The following RPGRIP1 variants were observed in gnomAD, a reference collection of about 807,000 sequenced individuals.
RPGRIP1 encodes the protein RPGR interacting protein 1, also known as X-linked retinitis pigmentosa GTPase regulator-interacting protein 1.
Under a neutral mutation model 157.9 loss-of-function variants are expected in RPGRIP1, and 128 were observed. That is an observed-to-expected ratio of 0.81 (90% confidence interval 0.70 to 0.94). RPGRIP1 has a LOEUF of 0.94. Ranked by LOEUF, RPGRIP1 falls within the 40% of genes least tolerant of loss-of-function variation. RPGRIP1 has a pLI of 0.00. For synonymous variants in RPGRIP1, 554 were observed against 571.6 expected (o/e 0.97, Z 0.44); for missense variants, 1,486 against 1,545.8 (o/e 0.96, Z 0.65).
chr14:21,310,526 G>C, intron 7 of RPGRIP1, 58 bp from the exon 8 acceptor site: 1 of 882,000 alleles, frequency 1.1e-6, no homozygotes, highest in Non-Finnish European at 1.7e-6. Context: ...ATATTACAGT[G>C]ATAAATATAT....
intron 1 of RPGRIP1, among the ~76,000 whole-genome samples, chr14:21,282,671 G>A (rs1355391773): frequency 7.6e-5 from 11 of 144,026 alleles, no homozygotes; most frequent in South Asian, 2.2e-4. Flanking sequence ...GTGCAGTGGC[G>A]TGATCTCGGC....
Position 21,321,252 on chromosome 14 carries a change from T to G in RPGRIP1, c.1468-7T>G. On this transcript the variant is annotated splice_region_variant and splice_polypyrimidine_tract_variant and intron_variant, in intron 12 of 24. Coordinates refer to ENST00000400017, the MANE Select transcript of RPGRIP1 (RefSeq NM_020366.4). ...ACTCCCTTTTACCAATGCGTTTCCC[T>G]CTACAGCCAAGTGAACCCAAAAACC... is the stretch of plus-strand genomic sequence containing the variant. The G allele has an allele frequency of 3.1e-6, 5 of 1,611,022 alleles. No homozygotes were observed. The highest frequency in any genetic ancestry group is 2.7e-5 in the African/African-American group (2 of 74,710).
chr14:21,323,588 T>C (rs1882737011), intron 14 of RPGRIP1, among the ~76,000 whole-genome samples: 1 of 152,172 alleles, frequency 6.6e-6, no homozygotes, highest in Non-Finnish European at 1.5e-5. Flanking sequence ...AGTTTTTCTA[T>C]GTTCACCAGT....
intron 3 of RPGRIP1, among the ~76,000 whole-genome samples, chr14:21,298,799 G>C (rs896205858): frequency 6.6e-6 from 1 of 151,672 alleles, no homozygotes; most frequent in African/African-American, 2.4e-5. Context: ...AATTAGCTGG[G>C]TGTGGTGGTG....
intron 3 of RPGRIP1, among the ~76,000 whole-genome samples, chr14:21,297,162 C>T (rs1338504090): frequency 2.0e-5 from 3 of 151,938 alleles, no homozygotes; most frequent in East Asian, 1.9e-4. Flanking sequence ...GGCGCAATCT[C>T]GGCTCACCGG....
In RPGRIP1 at chr14:21,310,644, C is replaced by A. The variant is rs200700552; in HGVS notation, c.930+37C>A. ...GAATTGAGTCTCTGTTTCTTAGTAACCAGAATAATCAAACCCAAAGAAATC... is the reference window on the plus strand; with the variant it reads ...GAATTGAGTCTCTGTTTCTTAGTAAACAGAATAATCAAACCCAAAGAAATC... On this transcript the variant is annotated intron_variant, in intron 8 of 24. Coordinates refer to ENST00000400017, the MANE Select transcript of RPGRIP1 (RefSeq NM_020366.4). 1.0e-3 allele frequency: 1,351 copies of A among 1,287,220 alleles called. 16 individuals carry two copies. The highest frequency in any genetic ancestry group is 2.3e-4 in the Non-Finnish European group (208 of 923,456). The allele number at this position is 1,287,220 out of a possible 1,614,324, so 79.7% of individuals were successfully genotyped here.
chr14:21,302,860 G>A (rs900841902), intron 5 of RPGRIP1: 240 of 138,422 alleles, frequency 1.7e-3, no homozygotes, highest in Non-Finnish European at 2.4e-3. Flanking sequence ...TAATTCCTTT[G>A]TTGTGTTTTT....
chr14:21,326,688 T>C (rs1883150266), intron 17 of RPGRIP1, among the ~76,000 whole-genome samples: 1 of 152,024 alleles, frequency 6.6e-6, no homozygotes. Context: ...TTTTTCAAGC[T>C]CTGTAATGCT....
chr14:21,294,766 T>C lies in RPGRIP1; in HGVS notation c.175T>C (p.Leu59=), dbSNP rs1880692084. The C allele has an allele frequency of 6.2e-7, 1 of 1,611,302 alleles. No individual in the cohort carries two copies. Among genetic ancestry groups the C allele is most frequent in the East Asian group, 2.2e-5 (1 of 44,726 alleles). The change falls in exon 3 of 25, where the codon TTG becomes CTG. Residue 59 remains leucine (L), a synonymous_variant. Transcript: ENST00000400017. ...CTTTCGACTTCGCGAAGATCACATGTTGGTGAAGGAGCTTTCTTGGAAGCA... is the reference window on the plus strand; with the variant it reads ...CTTTCGACTTCGCGAAGATCACATGCTGGTGAAGGAGCTTTCTTGGAAGCA... ...SFFRLREDHM[L]VKELSWKQQD... is the part of the protein sequence containing the mutation.
chr14:21,322,238 A>G (rs1419176108), intron 14 of RPGRIP1, among the ~76,000 whole-genome samples: 3 of 151,870 alleles, frequency 2.0e-5, no homozygotes, highest in African/African-American at 7.3e-5. Context: ...GCTCACTGCA[A>G]CCTCTGCCTT....
rs201597595 is a variant in RPGRIP1, at chr14:21,328,491, A to G, written c.2963A>G (p.His988Arg). Residue 988 changes from histidine to arginine, a missense_variant, in exon 19 of 25, where the codon CAT becomes CGT. By Grantham distance (29) the His-to-Arg change is conservative. Transcript: ENST00000400017. Reference sequence around the variant, plus strand: ...TATCGATCTAAGAGAAAACCTCCTCATGGGGGAGAAAGAAAGGAGAAGGAG... The same window carrying G: ...TATCGATCTAAGAGAAAACCTCCTCGTGGGGGAGAAAGAAAGGAGAAGGAG... ...GQYRSKRKPP[H>R]GGERKEKEHQ... 55 of 1,613,712 alleles carry G rather than the reference A, an allele frequency of 3.4e-5. No homozygotes were observed. Among genetic ancestry groups the G allele is most frequent in the South Asian group, 6.6e-5 (6 of 91,084 alleles).
At chr14:21,304,947 G>A (rs900257866) in intron 6 of RPGRIP1, among the ~76,000 whole-genome samples, 27 of 151,836 alleles carry the variant, frequency 1.8e-4, no homozygotes, top group African/African-American at 6.1e-4. Context: ...GACTACAGGC[G>A]CCCGCCACCA....
chr14:21,311,178 C>CATCATAAAAA (rs1330107256), intron 8 of RPGRIP1, among the ~76,000 whole-genome samples: 1 of 152,166 alleles, frequency 6.6e-6, no homozygotes, highest in Non-Finnish European at 1.5e-5. Flanking sequence ...AAAAAGCAGT[C>CATCATAAAAA]AAATAGCTTA....
intron 21 of RPGRIP1, among the ~76,000 whole-genome samples, chr14:21,337,787 GC>G (rs1361688023): frequency 6.6e-5 from 8 of 120,708 alleles, no homozygotes; most frequent in Non-Finnish European, 1.1e-4. Context: ...TTAGAGTCTC[GC>G]TCTGTCACCC....
chr14:21,341,036 C>T (rs1169170434), intron 21 of RPGRIP1, among the ~76,000 whole-genome samples: 1 of 149,650 alleles, frequency 6.7e-6, no homozygotes, highest in East Asian at 1.9e-4. Flanking sequence ...CATCAAATAT[C>T]GTTTTTTTGT....
chr14:21,311,389 T>TA (rs1433514646), intron 8 of RPGRIP1, among the ~76,000 whole-genome samples: 75 of 152,002 alleles, frequency 4.9e-4, no homozygotes, highest in African/African-American at 1.7e-3. Context: ...CTGTCTCTAT[T>TA]AAAAATACAA....
rs967737907 is a variant in RPGRIP1 at position 21,351,250 on chromosome 14, G to T, written c.*34G>T. On this transcript the variant is annotated 3_prime_UTR_variant, in exon 25 of 25. Transcript: ENST00000400017. ...GTGCTATTCCAATCTAAAAGTCTCTGAGGGAACCATAGTAAAAAGTCTCTT... is the reference window on the plus strand; with the variant it reads ...GTGCTATTCCAATCTAAAAGTCTCTTAGGGAACCATAGTAAAAAGTCTCTT... 1 of 1,334,950 alleles carries T rather than the reference G, an allele frequency of 7.5e-7. No homozygotes were observed. Among genetic ancestry groups the T allele is most frequent in the Non-Finnish European group, 1.1e-6 (1 of 940,848 alleles). The allele number at this position is 1,334,950 out of a possible 1,614,324, so 82.7% of individuals were successfully genotyped here. A position where few individuals can be genotyped will look rare whatever the true frequency, so the allele number is the denominator to read the frequency against.
chr14:21,295,596 G>A (rs188331359), intron 3 of RPGRIP1, among the ~76,000 whole-genome samples: 3 of 150,208 alleles, frequency 2.0e-5, no homozygotes, highest in South Asian at 2.1e-4. Flanking sequence ...TGGTTCTCCT[G>A]CCTCAGCCTC....
rs1489749222 is a variant in RPGRIP1 at position 21,312,526 on chromosome 14, C to T, written c.1151+20C>T. ...AGAAAGGTGAGTACCACATTTGGGT[C>T]CCAGAGCAGTGTTACTATGAAAGAC... On this transcript the variant is annotated intron_variant, in intron 10 of 24. Transcript: ENST00000400017. 2.0e-6 allele frequency: 3 copies of T among 1,534,820 alleles called. No individual in the cohort carries two copies. Among genetic ancestry groups the T allele is most frequent in the Non-Finnish European group, 2.7e-6 (3 of 1,111,624 alleles).
Sources: allele counts gnomAD v4.1 joint callset (sites outside exome capture counted in the v4.1 genomes callset), GRCh38; gene constraint gnomAD v4.1.1; transcripts MANE v1.5; gene names NCBI Gene and HGNC (gene_info 2026-07-23, HGNC 2026-07-21).